The following TAOK2 variants were observed in gnomAD, a reference collection of about 807,000 sequenced individuals.
The protein encoded by TAOK2 is TAO kinase 2.
A neutral mutation model predicts 122.5 loss-of-function variants in TAOK2; 42 were observed. That is an observed-to-expected ratio of 0.34 (90% confidence interval 0.27 to 0.44). The LOEUF is 0.44. TAOK2 is among the 20% of genes least tolerant of loss of function. The pLI is 1.00. For missense variants in TAOK2, 1,264 were observed against 1,644.9 expected, an observed-to-expected ratio of 0.77 and a Z score of 4.01; for synonymous variants, 704 against 677.6, an observed-to-expected ratio of 1.04 and a Z score of -0.61.
chr16:29,977,826 C>G lies in TAOK2; in HGVS notation c.54C>G (p.Leu18=). Residue 18 remains leucine (L), a synonymous_variant, in exon 2 of 16, where the codon CTC becomes CTG. Coordinates refer to ENST00000308893, the MANE Select transcript of TAOK2 (RefSeq NM_016151.4). ...TGAAGGACCCAGATGTGGCTGAGCT[C>G]TTCTTCAAGGATGACCCAGAAAAGC... ...GSLKDPDVAE[L]FFKDDPEKLF... is the part of the protein sequence containing the mutation. 6.2e-7 allele frequency: 1 copy of G among 1,614,194 alleles called. No homozygotes were observed. Among genetic ancestry groups the G allele is most frequent in the Non-Finnish European group, 8.5e-7 (1 of 1,180,022 alleles).
Position 29,986,405 on chromosome 16 carries a change from G to C in TAOK2, c.2133G>C (p.Gln711His), listed in dbSNP as rs1173949164. Reference sequence around the variant, plus strand: ...CTGAGCTCACCCGCCTGCAGCACCAGACGGAGCTGGGCAACCAGCTGGAGT... The same window carrying C: ...CTGAGCTCACCCGCCTGCAGCACCACACGGAGCTGGGCAACCAGCTGGAGT... ...TRAELTRLQH[Q>H]TELGNQLEYN... is the part of the protein sequence containing the mutation. Residue 711 changes from glutamine (Q) to histidine (H), a missense_variant, in exon 16 of 16, where the codon CAG (glutamine) becomes CAC (histidine). Physicochemically the swap from Gln to His is conservative, Grantham distance 24 (BLOSUM62 0). Coordinates refer to ENST00000308893, the MANE Select transcript of TAOK2 (RefSeq NM_016151.4). This position sits in a 1 kb window ranked among gnomAD's most constrained non-coding sequence, Gnocchi z 4.2. 7 of 1,611,418 alleles carry C rather than the reference G, an allele frequency of 4.3e-6. No individual in the cohort carries two copies. The highest frequency in any genetic ancestry group is 5.9e-6 in the Non-Finnish European group (7 of 1,178,632).
At chr16:29,976,621 G>T (rs2069463397) in intron 1 of TAOK2, among the ~76,000 whole-genome samples, 1 of 152,200 alleles carries the variant, frequency 6.6e-6, no homozygotes, top group African/African-American at 2.4e-5. Context: ...CTGGTATCCT[G>T]CAGGAACTTT....
In TAOK2 at chr16:29,986,382, G is replaced by A; in HGVS notation, c.2110G>A (p.Glu704Lys). 1.2e-6 allele frequency: 2 copies of A among 1,608,930 alleles called. No individual in the cohort carries two copies. The highest frequency in any genetic ancestry group is 1.7e-6 in the Non-Finnish European group (2 of 1,177,484). The change falls in exon 16 of 16, where the codon GAG becomes AAG. Residue 704 changes from glutamate to lysine, a missense_variant. This residue lies in a region of TAOK2 where 824 missense variants were observed against 908.7 expected (regional missense o/e 0.91). Transcript: ENST00000308893. This position sits in a 1 kb window ranked among gnomAD's most constrained non-coding sequence, Gnocchi z 4.2. ...CCAGGCCGTGCAGCGCACGCGGGCT[G>A]AGCTCACCCGCCTGCAGCACCAGAC... is the stretch of plus-strand genomic sequence containing the variant. ...QLQAVQRTRA[E>K]LTRLQHQTEL...
Position 29,979,643 on chromosome 16 carries a change from A to G in TAOK2, c.655+135A>G. On this transcript the variant is annotated intron_variant, in intron 8 of 15. Transcript: ENST00000308893. This position sits in a 1 kb window ranked among gnomAD's most constrained non-coding sequence, Gnocchi z 4.1. Reference sequence around the variant, plus strand: ...CCTGTCCGTTGTGACTCTACCCTGGAGCCCAATACAGGCAGCTGGCAAATT... The same window carrying G: ...CCTGTCCGTTGTGACTCTACCCTGGGGCCCAATACAGGCAGCTGGCAAATT... The G allele has an allele frequency of 3.0e-6, 2 of 673,876 alleles. No homozygotes were observed. Among genetic ancestry groups the G allele is most frequent in the Non-Finnish European group, 4.8e-6 (2 of 416,218 alleles). The allele number at this position is 673,876 out of a possible 1,614,324, so 41.7% of individuals were successfully genotyped here. A position where few individuals can be genotyped will look rare whatever the true frequency, so the allele number is the denominator to read the frequency against.
Position 29,987,382 on chromosome 16 carries a change from G to A in TAOK2, c.3110G>A (p.Gly1037Asp), listed in dbSNP as rs1596617740. 1.2e-6 allele frequency: 2 copies of A among 1,601,088 alleles called. No individual in the cohort carries two copies. Among genetic ancestry groups the A allele is most frequent in the East Asian group, 2.2e-5 (1 of 44,622 alleles). The change falls in exon 16 of 16, where the codon GGC becomes GAC. Residue 1037 changes from glycine (G) to aspartate (D), a missense_variant. Gly to Asp is a moderately conservative substitution (Grantham distance 94). Transcript: ENST00000308893. ...GAVLGLSWRR[G>D]LMGVPLGLGA... is the part of the protein sequence containing the mutation. ...GTCCTGGGCCTGAGCTGGCGCCGAG[G>A]CCTCATGGGTGTTCCCCTGGGCCTT...
In TAOK2 at chr16:29,979,021, G is replaced by A. The variant is rs1436970368; in HGVS notation, c.400G>A (p.Gly134Arg). The change falls in exon 6 of 16, where the codon GGG (glycine) becomes AGG (arginine). Residue 134 changes from glycine to arginine, a missense_variant. Transcript: ENST00000308893. The surrounding 1 kb of genome is among the most constrained non-coding windows in gnomAD (Gnocchi z 4.1). ...QEVEIAAVTH[G>R]ALQGLAYLHS... is the part of the protein sequence containing the mutation. The stretch of plus-strand genomic sequence containing the variant: ...GGTAGAGATCGCAGCTGTGACCCAC[G>A]GGGCGCTTCAGGGCCTGGCATATCT... The A allele has an allele frequency of 1.2e-6, 2 of 1,614,112 alleles. No individual in the cohort carries two copies. The highest frequency in any genetic ancestry group is 1.6e-4 in the Middle Eastern group (1 of 6,062).
downstream of TAOK2, chr16:29,991,210 G>T (rs1331567953): frequency 6.2e-7 from 1 of 1,611,024 alleles, no homozygotes; most frequent in South Asian, 1.1e-5. This position sits in a 1 kb window ranked among gnomAD's most constrained non-coding sequence, Gnocchi z 5.6. Context: ...GCTGCCCAGG[G>T]CTATCCTGCT....
At position 29,985,774 on chromosome 16, in the gene TAOK2, G is replaced by A; in HGVS notation, c.1905G>A (p.Gln635=). The A allele has an allele frequency of 6.2e-7, 1 of 1,611,402 alleles. No individual in the cohort carries two copies. The highest frequency in any genetic ancestry group is 1.1e-5 in the South Asian group (1 of 90,894). Residue 635 remains glutamine (Q), a synonymous_variant, in exon 15 of 16, where the codon CAG becomes CAA. Transcript: ENST00000308893. This position sits in a 1 kb window ranked among gnomAD's most constrained non-coding sequence, Gnocchi z 6.9. ...AGGAAGCAGGGCTGCTGCGGCGGCA[G>A]CGCCAGTACTTTGAGCTGCAGTGTC... is the stretch of plus-strand genomic sequence containing the variant. ...AEEEAGLLRR[Q]RQYFELQCRQ...
chr16:29,989,780 T>C (rs766817926), downstream of TAOK2: 1 of 1,613,798 alleles, frequency 6.2e-7, no homozygotes, highest in Non-Finnish European at 8.5e-7. Flanking sequence ...GACCAGTCCA[T>C]CTCAGAGATG....
In TAOK2 at chr16:29,987,710, G is replaced by A. The variant is rs754805313; in HGVS notation, c.3438G>A (p.Leu1146=). ...GCACCACCCAACACCCATTAGCTCT[G>A]TTGGCAAGGGTCTGGGTCCTGTGCA... ...NPRTTQHPLA[L]LARVWVLCKG... is the part of the protein sequence containing the mutation. The change falls in exon 16 of 16, where the codon CTG becomes CTA. Residue 1146 remains leucine (L), a synonymous_variant. Coordinates refer to ENST00000308893, the MANE Select transcript of TAOK2 (RefSeq NM_016151.4). 1 of 1,614,094 alleles carries A rather than the reference G, an allele frequency of 6.2e-7. No individual in the cohort carries two copies. The highest frequency in any genetic ancestry group is 1.1e-5 in the South Asian group (1 of 91,092).
chr16:29,977,714 A>G (rs1314150287), intron 1 of TAOK2, 24 bp from the exon 2 acceptor site: 4 of 1,598,684 alleles, frequency 2.5e-6, no homozygotes, highest in Admixed American at 3.5e-5. Context: ...CTTGATCTCT[A>G]AGGGTCCCAT....
downstream of TAOK2, chr16:29,991,095 C>T (rs371701454): frequency 2.3e-5 from 36 of 1,593,104 alleles, no homozygotes; most frequent in East Asian, 6.7e-5. The surrounding 1 kb of genome is among the most constrained non-coding windows in gnomAD (Gnocchi z 5.6). Context: ...CGAGCGAATC[C>T]GCAGTCTGCT....
At chr16:29,984,752 A>G (rs1172029299) in intron 13 of TAOK2, among the ~76,000 whole-genome samples, 4 of 152,086 alleles carry the variant, frequency 2.6e-5, no homozygotes, top group Non-Finnish European at 5.9e-5. Context: ...TAGGCCGACC[A>G]TGTTTGCTGA....
In TAOK2 at chr16:29,987,183, CT is replaced by C; in HGVS notation, c.2912del (p.Leu971ArgfsTer62). Reference protein sequence around the residue: ...SSSGLLPLLLLLLLPLLAAQG... With the variant: ...SSSGLLPLLLXLLLPLLAAQG... ...CTCTGGCCTCCTGCCCCTCCTGCTG[CT>C]GCTGCTGCTTCCATTGCTGGCAGCC... On this transcript the variant is annotated frameshift_variant, in exon 16 of 16. Transcript: ENST00000308893. LOFTEE classifies it high-confidence loss of function. 6.4e-7 allele frequency: 1 copy of C among 1,556,352 alleles called. No individual in the cohort carries two copies. Among genetic ancestry groups the C allele is most frequent in the Non-Finnish European group, 8.6e-7 (1 of 1,156,358 alleles).
downstream of TAOK2, chr16:29,991,565 C>T (rs776693327): frequency 5.2e-5 from 77 of 1,470,402 alleles, no homozygotes; most frequent in Non-Finnish European, 6.8e-5. This position sits in a 1 kb window ranked among gnomAD's most constrained non-coding sequence, Gnocchi z 5.6. Flanking sequence ...ACTTCTATTC[C>T]TGAGGTGCAG....
downstream of TAOK2, chr16:29,989,238 C>G (rs936791727): frequency 5.2e-5 from 51 of 985,356 alleles, no homozygotes; most frequent in African/African-American, 7.7e-4. Context: ...TTCCAAGATC[C>G]TCAGTTCCCT....
At chr16:29,990,326 G>T (rs2069936054), downstream of TAOK2, 1 of 160,494 alleles carries the variant, frequency 6.2e-6, no homozygotes, top group Non-Finnish European at 1.4e-5. Flanking sequence ...TGTATTTTGT[G>T]TTTTTTCAGT....
downstream of TAOK2, chr16:29,988,632 G>A: frequency 1.0e-6 from 1 of 985,444 alleles, no homozygotes; most frequent in South Asian, 4.7e-5. Context: ...TGGTCCCACA[G>A]AGCGCCTGTT....
Position 29,987,123 on chromosome 16 carries a change from C to G in TAOK2, c.2851C>G (p.Leu951Val), listed in dbSNP as rs750289878. ...SQLPGLLSHG[L>V]LAGLSFAVGS... Reference sequence around the variant, plus strand: ...GCTCCCTGGACTCCTGTCCCATGGCCTCCTGGCCGGCCTCTCCTTTGCAGT... The same window carrying G: ...GCTCCCTGGACTCCTGTCCCATGGCGTCCTGGCCGGCCTCTCCTTTGCAGT... Residue 951 changes from leucine (L) to valine (V), a missense_variant, in exon 16 of 16, where the codon CTC becomes GTC. Physicochemically the swap from Leu to Val is conservative, Grantham distance 32. Coordinates refer to ENST00000308893, the MANE Select transcript of TAOK2 (RefSeq NM_016151.4). 2 of 1,606,016 alleles carry G rather than the reference C, an allele frequency of 1.2e-6. No homozygotes were observed. The highest frequency in any genetic ancestry group is 1.7e-6 in the Non-Finnish European group (2 of 1,176,184).
Sources: gnomAD v4.1 joint callset for allele counts (sites outside exome capture counted in the v4.1 genomes callset) on GRCh38, gnomAD v4.1.1 for gene constraint, gnomAD v4.1.1 regional missense constraint, Gnocchi (gnomAD v3.1) non-coding constraint, MANE v1.5 for transcripts, NCBI Gene and HGNC (gene_info 2026-07-23, HGNC 2026-07-21) for gene names.